RPAP1: variants seen among roughly 807,000 people sequenced by gnomAD.
RPAP1 encodes the protein RNA polymerase II associated protein 1, also known as RNA polymerase II-associated protein 1.
Under a neutral mutation model 142.4 loss-of-function variants are expected in RPAP1, and 109 were observed. That is an observed-to-expected ratio of 0.77 (90% CI 0.66 to 0.90). The LOEUF is 0.90. Among genes scored for constraint, RPAP1 ranks in the 40% least tolerant of loss-of-function variants. The pLI is 0.00. For missense variants in RPAP1, 1,546 were observed against 1,751.7 expected (o/e 0.88, Z 2.10); for synonymous variants, 704 against 738.9 (o/e 0.95, Z 0.77).
At position 41,534,808 on chromosome 15, in the gene RPAP1, T is replaced by G. The variant is rs1328411344; in HGVS notation, c.669A>C (p.Glu223Asp). ...KGLRDQEAEQ[E>D]AQTIHEENIA... ...TGTTCTCTTCATGGATAGTCTGGGC[T>G]TCCTGCTCAGCTTCTTGATCCCTGA... Residue 223 changes from glutamate (E) to aspartate (D), a missense_variant, in exon 6 of 25, where the codon GAA becomes GAC. By Grantham distance (45) the Glu-to-Asp change is conservative. This residue lies in a region of RPAP1 where 1,333 missense variants were observed against 1,486.6 expected (regional missense o/e 0.90). Coordinates refer to ENST00000304330, the MANE Select transcript of RPAP1 (RefSeq NM_015540.4). 1 of 1,614,008 alleles carries G rather than the reference T, an allele frequency of 6.2e-7. No individual in the cohort carries two copies. The highest frequency in any genetic ancestry group is 1.3e-5 in the African/African-American group (1 of 74,904).
intron 7 of RPAP1, 28 bp from the exon 8 acceptor site, chr15:41,530,007 C>G: frequency 6.3e-7 from 1 of 1,582,594 alleles, no homozygotes; most frequent in East Asian, 2.2e-5. Context: ...GATAGTATTA[C>G]CCAAACGGCT....
chr15:41,543,201 C>CT (rs71104794), intron 1 of RPAP1, among the ~76,000 whole-genome samples: 1,901 of 78,956 alleles, frequency 0.024, 26 homozygotes, highest in Admixed American at 0.035. Context: ...CAATGCTGTC[C>CT]TTTTTTTTTT....
chr15:41,529,808 A>T, intron 8 of RPAP1, 56 bp downstream of exon 8: 1 of 1,272,730 alleles, frequency 7.9e-7, no homozygotes, highest in Non-Finnish European at 1.1e-6. Flanking sequence ...CAAGAGCAGC[A>T]GCTCCTCTCC....
Position 41,536,576 on chromosome 15 carries a change from C to A in RPAP1, c.255G>T (p.Leu85=). 2 of 1,614,182 alleles carry A rather than the reference C, an allele frequency of 1.2e-6. No homozygotes were observed. Among genetic ancestry groups the A allele is most frequent in the Admixed American group, 3.3e-5 (2 of 60,032 alleles). Residue 85 remains leucine (L), a synonymous_variant, in exon 3 of 25, where the codon CTG becomes CTT. Transcript: ENST00000304330. ...KRARPSPGHC[L]PEDEDPEERL... is the part of the protein sequence containing the mutation. ...TCTCTTCTGGGTCCTCATCCTCAGG[C>A]AGGCAGTGGCCAGGGCTGGGCCTGG...
intron 18 of RPAP1, 91 bp from the exon 19 acceptor site, chr15:41,523,051 G>A: frequency 8.6e-7 from 1 of 1,158,580 alleles, no homozygotes; most frequent in Non-Finnish European, 1.2e-6. Context: ...AGACTAACGG[G>A]GGGCCTGGCT....
In RPAP1 at chr15:41,527,416, C is replaced by G. The variant is rs368789864; in HGVS notation, c.1611+7G>C. 6 of 1,613,972 alleles carry G rather than the reference C, an allele frequency of 3.7e-6. No homozygotes were observed. Among genetic ancestry groups the G allele is most frequent in the Non-Finnish European group, 5.1e-6 (6 of 1,179,952 alleles). ...GCCATGGGATGGGAAAGAAGCTGTC[C>G]CTTTACCTTGATGACATCATGTCGG... On this transcript the variant is annotated splice_region_variant and intron_variant, in intron 12 of 24. Transcript: ENST00000304330.
intron 15 of RPAP1, 25 bp downstream of exon 15, chr15:41,524,966 G>A: frequency 6.2e-7 from 1 of 1,610,044 alleles, no homozygotes; most frequent in Non-Finnish European, 8.5e-7. Context: ...TGTCTAGGGG[G>A]AGCCTACCCC....
intron 3 of RPAP1, 97 bp from the exon 4 acceptor site, chr15:41,536,315 A>C: frequency 7.4e-7 from 1 of 1,343,818 alleles, no homozygotes. Flanking sequence ...TGAGAACCTC[A>C]CTCTGGGGGG....
chr15:41,539,434 A>G (rs2051948913), intron 1 of RPAP1, among the ~76,000 whole-genome samples: 1 of 152,042 alleles, frequency 6.6e-6, no homozygotes, highest in Non-Finnish European at 1.5e-5. Context: ...AGCTGGGATT[A>G]CAGGCGCCCA....
At position 41,524,193 on chromosome 15, in the gene RPAP1, G is replaced by A. The variant is rs148641695; in HGVS notation, c.2137C>T (p.Pro713Ser). The change falls in exon 16 of 25, where the codon CCA becomes TCA. Residue 713 changes from proline (P) to serine (S), a missense_variant. This residue lies in a region of RPAP1 where 1,333 missense variants were observed against 1,486.6 expected (regional missense o/e 0.90). Coordinates refer to ENST00000304330, the MANE Select transcript of RPAP1 (RefSeq NM_015540.4). Reference protein sequence around the residue: ...QVVPRELSTHPPQPLSMQRIA... With the variant: ...QVVPRELSTHSPQPLSMQRIA... ...CGCTGCATGGACAGGGGTTGAGGTG[G>A]GTGGGTGCTGAGCTCCCGCGGCACC... 1.0e-5 allele frequency: 16 copies of A among 1,588,302 alleles called. No individual in the cohort carries two copies. The East Asian group carries it at 1.3e-4, about 13-fold the overall frequency.
rs1371464892 is a variant in RPAP1, at chr15:41,523,858, G to A, written c.2349C>T (p.Ser783=). The change falls in exon 17 of 25, where the codon TCC becomes TCT. Residue 783 remains serine (S), a synonymous_variant. Transcript: ENST00000304330. The part of the protein sequence containing the change: ...PCLRQTLKLL[S]RPEMWRAVGP... Reference sequence around the variant, plus strand: ...CCACGGCTCTCCACATCTCAGGTCTGGACAGCAACTTCAAGGTCTGCCTTA... The same window carrying A: ...CCACGGCTCTCCACATCTCAGGTCTAGACAGCAACTTCAAGGTCTGCCTTA... 1.9e-6 allele frequency: 3 copies of A among 1,608,820 alleles called. No individual in the cohort carries two copies. The highest frequency in any genetic ancestry group is 1.7e-5 in the Admixed American group (1 of 59,344).
At chr15:41,529,118 C>G (rs1025062442) in intron 9 of RPAP1, among the ~76,000 whole-genome samples, 3 of 152,176 alleles carry the variant, frequency 2.0e-5, no homozygotes, top group Non-Finnish European at 2.9e-5. Context: ...AGGCGGATCA[C>G]AAGCTCAGGA....
At chr15:41,531,625 ATATTTTTTTTTTTTTT>A (rs1214661115) in intron 6 of RPAP1, among the ~76,000 whole-genome samples, 45 of 15,256 alleles carry the variant, frequency 2.9e-3, no homozygotes, top group Non-Finnish European at 2.8e-3. Flanking sequence ...ATATATATAT[ATATTTTTTTTTTTTTT>A]TTTTTTTTTT....
chr15:41,529,398 C>A, intron 9 of RPAP1, 72 bp downstream of exon 9: 1 of 978,386 alleles, frequency 1.0e-6, no homozygotes, highest in Non-Finnish European at 1.6e-6. Context: ...AGGTCAAAGG[C>A]AGTTGACCAG....
chr15:41,518,462 A>AGC (rs760707429), intron 22 of RPAP1: 148 of 270,974 alleles, frequency 5.5e-4, no homozygotes, highest in Non-Finnish European at 8.8e-4. Flanking sequence ...CAGGCGGATC[A>AGC]CACGAAATTA....
chr15:41,527,309 T>G lies in RPAP1; in HGVS notation c.1612-8A>C. The G allele has an allele frequency of 6.2e-7, 1 of 1,613,806 alleles. No homozygotes were observed. Among genetic ancestry groups the G allele is most frequent in the Non-Finnish European group, 8.5e-7 (1 of 1,179,956 alleles). On this transcript the variant is annotated splice_region_variant and splice_polypyrimidine_tract_variant and intron_variant, in intron 12 of 24. Coordinates refer to ENST00000304330, the MANE Select transcript of RPAP1 (RefSeq NM_015540.4). ...GCTGGTAGCCAGGAGCCCCTGGGAG[T>G]TGGAGAGAGAAACCCACTGACAAAT...
At position 41,520,394 on chromosome 15, in the gene RPAP1, G is replaced by C. The variant is rs2051711601; in HGVS notation, c.3792C>G (p.Thr1264=). The part of the protein sequence containing the change: ...GALRALSLPL[T]QLPVSLECYT... ...TCCTGCTGGGCTGAGAAAGTACCTG[G>C]GTCAGAGGCAGGCTCAGAGCTCGCA... Residue 1264 remains threonine (T), a synonymous_variant, in exon 22 of 25, where the codon ACC becomes ACG. Transcript: ENST00000304330. 6.2e-7 allele frequency: 1 copy of C among 1,613,488 alleles called. No individual in the cohort carries two copies. The highest frequency in any genetic ancestry group is 8.5e-7 in the Non-Finnish European group (1 of 1,179,704).
chr15:41,522,335 CAG>C (rs2051735429), intron 19 of RPAP1, 85 bp from the exon 20 acceptor site: 1 of 1,342,524 alleles, frequency 7.4e-7, no homozygotes, highest in East Asian at 2.5e-5. Flanking sequence ...TCTCCAGACT[CAG>C]GGAAATGAGT....
chr15:41,540,128 T>A (rs1287322821), intron 1 of RPAP1, among the ~76,000 whole-genome samples: 1 of 152,156 alleles, frequency 6.6e-6, no homozygotes, highest in Non-Finnish European at 1.5e-5. Context: ...GCCAAAGATA[T>A]CTGCAAGCTG....
Sources: gnomAD v4.1 joint callset for allele counts (sites outside exome capture counted in the v4.1 genomes callset) on GRCh38, gnomAD v4.1.1 for gene constraint, gnomAD v4.1.1 regional missense constraint, MANE v1.5 for transcripts, NCBI Gene and HGNC (gene_info 2026-07-23, HGNC 2026-07-21) for gene names.